Variants in SCN2B observed in about 807,000 individuals in gnomAD.
SCN2B encodes sodium channel regulatory subunit beta-2.
Under a neutral mutation model 18.2 loss-of-function variants are expected in SCN2B, and 14 were observed. The observed-to-expected ratio is 0.77, with a 90% CI of 0.51 to 1.21. The LOEUF (loss-of-function observed/expected upper bound fraction) is 1.21, where lower values mean the gene tolerates loss of function less well. Among genes scored for constraint, SCN2B ranks in the 50% most tolerant of loss-of-function variants. SCN2B has a pLI of 0.00. For missense variants in SCN2B, 262 were observed against 286.9 expected, an observed-to-expected ratio of 0.91 and a Z score of 0.63; for synonymous variants, 115 against 115.3, an observed-to-expected ratio of 1.00 and a Z score of 0.02.
intron 1 of SCN2B, among the ~76,000 whole-genome samples, chr11:118,175,276 C>T (rs1948460561): frequency 6.6e-6 from 1 of 152,206 alleles, no homozygotes; most frequent in Admixed American, 6.5e-5. Flanking sequence ...GTGATCATTA[C>T]GTAAATGACA....
chr11:118,176,304 C>G, intron 1 of SCN2B, 58 bp downstream of exon 1: 2 of 1,463,724 alleles, frequency 1.4e-6, no homozygotes, highest in Non-Finnish European at 1.9e-6. Context: ...CCCCCATCCT[C>G]TTCACATTGC....
intron 1 of SCN2B, among the ~76,000 whole-genome samples, chr11:118,172,489 A>C (rs1175257320): frequency 6.6e-6 from 1 of 152,228 alleles, no homozygotes; most frequent in Non-Finnish European, 1.5e-5. Flanking sequence ...CTTGCCGACT[A>C]TATGGCAGGT....
Position 118,168,704 on chromosome 11 carries a change from C to T in SCN2B, c.118G>A (p.Val40Ile), listed in dbSNP as rs200761835. The T allele has an allele frequency of 7.3e-5, 118 of 1,614,088 alleles. No individual in the cohort carries two copies. The highest frequency in any genetic ancestry group is 3.3e-4 in the Middle Eastern group (2 of 6,084). Reference sequence around the variant, plus strand: ...AGGCGGGCGTCAGAGCCATTGAGGACGTTGAGGGTGGCAGGTACTGTGACC... The same window carrying T: ...AGGCGGGCGTCAGAGCCATTGAGGATGTTGAGGGTGGCAGGTACTGTGACC... ...MEVTVPATLN[V>I]LNGSDARLPC... Residue 40 changes from valine (V) to isoleucine (I), a missense_variant, in exon 2 of 4, where the codon GTC (valine) becomes ATC (isoleucine). Val to Ile is a conservative substitution (Grantham distance 29). Coordinates refer to ENST00000278947, the MANE Select transcript of SCN2B (RefSeq NM_004588.5). The surrounding 1 kb of genome is among the most constrained non-coding windows in gnomAD (Gnocchi z 4.7).
rs150267991 is a variant in SCN2B at position 118,174,966 on chromosome 11, T to C, written c.70+1396A>G. 7.9e-5 allele frequency among the ~76,000 whole-genome samples: 12 copies of C among 152,298 alleles called. No individual in the cohort carries two copies. The East Asian group carries it at 1.3e-3, about 17-fold the overall frequency. The stretch of plus-strand genomic sequence containing the variant: ...ATATAGCAGTGCCATTTCTTGAACA[T>C]TGGGGAGTGGAATCCAACGTTTAAG... On this transcript the variant is annotated intron_variant, in intron 1 of 3. Coordinates refer to ENST00000278947, the MANE Select transcript of SCN2B (RefSeq NM_004588.5).
intron 1 of SCN2B, among the ~76,000 whole-genome samples, chr11:118,174,093 T>TTTG (rs1264534993): frequency 2.3e-5 from 1 of 43,188 alleles, no homozygotes; most frequent in African/African-American, 7.8e-5. Context: ...TTTCTTTTCT[T>TTTG]TTTTTTTTTT....
chr11:118,165,307 A>G lies in SCN2B; in HGVS notation c.*1580T>C, dbSNP rs1948368931. 6.6e-6 allele frequency: 1 copy of G among 152,596 alleles called. No individual in the cohort carries two copies. Among genetic ancestry groups the G allele is most frequent in the Non-Finnish European group, 1.5e-5 (1 of 68,030 alleles). The allele number at this position is 152,596 out of a possible 1,614,324, so 9.5% of individuals were successfully genotyped here. Reference sequence around the variant, plus strand: ...TGTCAGTTGGAACCTCAGTTTCCCCATTTTAAGTGAGTGACTTGGCTAGTT... The same window carrying G: ...TGTCAGTTGGAACCTCAGTTTCCCCGTTTTAAGTGAGTGACTTGGCTAGTT... On this transcript the variant is annotated 3_prime_UTR_variant, in exon 4 of 4. Transcript: ENST00000278947.
At position 118,164,697 on chromosome 11, in the gene SCN2B, C is replaced by T. The variant is rs1374408813; in HGVS notation, c.*2190G>A. On this transcript the variant is annotated 3_prime_UTR_variant, in exon 4 of 4. Transcript: ENST00000278947. ...TGTCTTGCAGAGGTGGAATTAGATG[C>T]ACCAAAAAGTTAATCTTGGTCCCTA... The T allele has an allele frequency of 1.3e-5, 2 of 152,708 alleles. No individual in the cohort carries two copies. The highest frequency in any genetic ancestry group is 2.9e-5 in the Non-Finnish European group (2 of 68,078). The allele number at this position is 152,708 out of a possible 1,614,324, so 9.5% of individuals were successfully genotyped here.
At chr11:118,174,091 C>CTTTTGTTGTT (rs1555101438) in intron 1 of SCN2B, among the ~76,000 whole-genome samples, 1 of 66,626 alleles carries the variant, frequency 1.5e-5, no homozygotes, top group African/African-American at 6.4e-5. Context: ...TTTTTCTTTT[C>CTTTTGTTGTT]TTTTTTTTTT....
At position 118,165,906 on chromosome 11, in the gene SCN2B, G is replaced by A. The variant is rs1431768192; in HGVS notation, c.*981C>T. 1 of 152,294 alleles carries A rather than the reference G, an allele frequency of 6.6e-6. No homozygotes were observed. The highest frequency in any genetic ancestry group is 2.4e-5 in the African/African-American group (1 of 41,454). 9.4% of individuals were successfully genotyped at this position (152,294 alleles called of 1,614,324 possible). A position where few individuals can be genotyped will look rare whatever the true frequency, so the allele number is the denominator to read the frequency against. On this transcript the variant is annotated 3_prime_UTR_variant, in exon 4 of 4. Coordinates refer to ENST00000278947, the MANE Select transcript of SCN2B (RefSeq NM_004588.5). The stretch of plus-strand genomic sequence containing the variant: ...GCCTCAGGCTTTCCCTTCCCTCTCT[G>A]TAGCCAAAAGCCAGGTGGAAACCCC...
At position 118,166,481 on chromosome 11, in the gene SCN2B, C is replaced by G. The variant is rs1253440404; in HGVS notation, c.*406G>C. On this transcript the variant is annotated 3_prime_UTR_variant, in exon 4 of 4. Coordinates refer to ENST00000278947, the MANE Select transcript of SCN2B (RefSeq NM_004588.5). The stretch of plus-strand genomic sequence containing the variant: ...CCCTCCTGAGGGAGCGCTGTCAGCA[C>G]AGGAAAGCCCTCCCTCCCCACCAGG... The G allele has an allele frequency of 3.3e-6, 1 of 302,956 alleles. No individual in the cohort carries two copies. The highest frequency in any genetic ancestry group is 6.4e-6 in the Non-Finnish European group (1 of 155,262). The allele number at this position is 302,956 out of a possible 1,614,324, so 18.8% of individuals were successfully genotyped here.
intron 1 of SCN2B, among the ~76,000 whole-genome samples, chr11:118,174,315 C>G (rs1044222614): frequency 6.6e-6 from 1 of 151,916 alleles, no homozygotes; most frequent in Non-Finnish European, 1.5e-5. Context: ...AGTCAACGGT[C>G]TCAAGAAAAA....
chr11:118,168,035 T>C lies in SCN2B; in HGVS notation c.448+50A>G. The C allele has an allele frequency of 6.7e-7, 1 of 1,498,818 alleles. No homozygotes were observed. The highest frequency in any genetic ancestry group is 1.8e-5 in the Admixed American group (1 of 55,750). The allele number at this position is 1,498,818 out of a possible 1,614,324, so 92.8% of individuals were successfully genotyped here. ...TGCCCTGAGCAAATGCCGCAGAGAG[T>C]AGGTGGGTGGGAAAGGTCAGGGCCC... On this transcript the variant is annotated intron_variant, in intron 3 of 3. Transcript: ENST00000278947. This position sits in a 1 kb window ranked among gnomAD's most constrained non-coding sequence, Gnocchi z 4.7.
At position 118,168,155 on chromosome 11, in the gene SCN2B, G is replaced by C. The variant is rs530807897; in HGVS notation, c.378C>G (p.Asn126Lys). 11 of 1,614,218 alleles carry C rather than the reference G, an allele frequency of 6.8e-6. No homozygotes were observed. The South Asian group carries it at 1.1e-4, about 16-fold the overall frequency. ...GGTCAGGGGGGTTCATGATGTAGCAGTTGTAAATCCCCTCATCCTCCGGCT... is the reference window on the plus strand; with the variant it reads ...GGTCAGGGGGGTTCATGATGTAGCACTTGTAAATCCCCTCATCCTCCGGCT... ...NVQPEDEGIY[N>K]CYIMNPPDRH... The change falls in exon 3 of 4, where the codon AAC becomes AAG. Residue 126 changes from asparagine to lysine, a missense_variant. Physicochemically the swap from Asn to Lys is moderately conservative, Grantham distance 94. Coordinates refer to ENST00000278947, the MANE Select transcript of SCN2B (RefSeq NM_004588.5). The surrounding 1 kb of genome is among the most constrained non-coding windows in gnomAD (Gnocchi z 4.7).
rs1288841391 is a variant in SCN2B, at chr11:118,166,753, G to C, written c.*134C>G. ...TGCAGGGTGGGAGATACGAAGTCGG[G>C]GGTTCAGGAGGCCCCAGGTGGGCCC... is the stretch of plus-strand genomic sequence containing the variant. On this transcript the variant is annotated 3_prime_UTR_variant, in exon 4 of 4. Coordinates refer to ENST00000278947, the MANE Select transcript of SCN2B (RefSeq NM_004588.5). The C allele has an allele frequency of 7.3e-5, 71 of 974,412 alleles. No individual in the cohort carries two copies. Among genetic ancestry groups the C allele is most frequent in the South Asian group, 2.7e-4 (20 of 75,100 alleles). 60.4% of individuals were successfully genotyped at this position (974,412 alleles called of 1,614,324 possible). A position where few individuals can be genotyped will look rare whatever the true frequency, so the allele number is the denominator to read the frequency against.
intron 1 of SCN2B, among the ~76,000 whole-genome samples, chr11:118,174,497 A>G (rs1948454654): frequency 6.6e-6 from 1 of 151,852 alleles, no homozygotes; most frequent in East Asian, 1.9e-4. Context: ...GGCATCCTCC[A>G]TCCTGGGGAT....
At chr11:118,175,299 A>T (rs1391349706) in intron 1 of SCN2B, among the ~76,000 whole-genome samples, 1 of 152,200 alleles carries the variant, frequency 6.6e-6, no homozygotes, top group Non-Finnish European at 1.5e-5. Flanking sequence ...GGTGGCTTGA[A>T]ACCCAGGTCC....
chr11:118,174,804 T>C (rs1218943379), intron 1 of SCN2B, among the ~76,000 whole-genome samples: 1 of 152,174 alleles, frequency 6.6e-6, no homozygotes, highest in Non-Finnish European at 1.5e-5. Flanking sequence ...ACCAGGCGGC[T>C]TCTCTCCTGC....
At position 118,166,971 on chromosome 11, in the gene SCN2B, C is replaced by G. The variant is rs951852207; in HGVS notation, c.564G>C (p.Glu188Asp). The G allele has an allele frequency of 6.2e-7, 1 of 1,614,172 alleles. No homozygotes were observed. Reference protein sequence around the residue: ...MVVKCVRRKKEQKLSTDDLKT... With the variant: ...MVVKCVRRKKDQKLSTDDLKT... ...TCAGGTCATCTGTGCTCAGCTTCTG[C>G]TCTTTTTTTCTCCTCACACACTTGA... is the stretch of plus-strand genomic sequence containing the variant. Residue 188 changes from glutamate to aspartate, a missense_variant, in exon 4 of 4, where the codon GAG (glutamate) becomes GAC (aspartate). By Grantham distance (45) the Glu-to-Asp change is conservative (BLOSUM62 2). Coordinates refer to ENST00000278947, the MANE Select transcript of SCN2B (RefSeq NM_004588.5).
intron 1 of SCN2B, among the ~76,000 whole-genome samples, chr11:118,170,868 G>T (rs1323116267): frequency 6.6e-6 from 1 of 152,176 alleles, no homozygotes; most frequent in Admixed American, 6.5e-5. Context: ...GGAGCCTCTG[G>T]CCTGGCCTGA....
Sources: gnomAD v4.1 joint callset for allele counts (sites outside exome capture counted in the v4.1 genomes callset) on GRCh38, gnomAD v4.1.1 for gene constraint, Gnocchi (gnomAD v3.1) non-coding constraint, MANE v1.5 for transcripts, NCBI Gene and HGNC (gene_info 2026-07-23, HGNC 2026-07-21) for gene names.